LONP2: variants seen among roughly 807,000 people sequenced by gnomAD.
LONP2 encodes lon peptidase 2, peroxisomal, also known as lon protease homolog 2, peroxisomal.
Under a neutral mutation model 85.6 loss-of-function variants are expected in LONP2, and 60 were observed. That is an observed-to-expected ratio of 0.70 (90% CI 0.57 to 0.87). LONP2 has a LOEUF of 0.87. LONP2 is among the 40% of genes least tolerant of loss of function. LONP2 has a pLI of 0.00. For synonymous variants in LONP2, 395 were observed against 389.7 expected (o/e 1.01, Z -0.16); for missense variants, 860 against 1,063.5 (o/e 0.81, Z 2.66).
chr16:48,321,801 G>A (rs1177208870), intron 11 of LONP2, among the ~76,000 whole-genome samples: 1 of 152,210 alleles, frequency 6.6e-6, no homozygotes, highest in African/African-American at 2.4e-5. Flanking sequence ...CACTTACCAT[G>A]AATGGAGTTG....
rs1960301847 is a variant in LONP2, at chr16:48,355,350, C to T, written c.*3548C>T. The T allele has an allele frequency of 6.6e-6, 1 of 152,042 alleles. No homozygotes were observed. The highest frequency in any genetic ancestry group is 2.4e-5 in the African/African-American group (1 of 41,398). The allele number at this position is 152,042 out of a possible 1,614,324, so 9.4% of individuals were successfully genotyped here. A position where few individuals can be genotyped will look rare whatever the true frequency, so the allele number is the denominator to read the frequency against. Reference sequence around the variant, plus strand: ...GGGAACCAATTACCTCCTTTTTGCCCTTCGATTCCCTTCCACCATATGAGG... The same window carrying T: ...GGGAACCAATTACCTCCTTTTTGCCTTTCGATTCCCTTCCACCATATGAGG... On this transcript the variant is annotated 3_prime_UTR_variant, in exon 15 of 15. Coordinates refer to ENST00000285737, the MANE Select transcript of LONP2 (RefSeq NM_031490.5).
At chr16:48,278,049 G>A (rs1160481964) in intron 8 of LONP2, among the ~76,000 whole-genome samples, 1 of 150,852 alleles carries the variant, frequency 6.6e-6, no homozygotes, top group Non-Finnish European at 1.5e-5. Flanking sequence ...TTTTTTTCTT[G>A]TGAATACTAA....
Position 48,351,964 on chromosome 16 carries a change from A to C in LONP2, c.*162A>C. 1.6e-6 allele frequency: 1 copy of C among 611,622 alleles called. No individual in the cohort carries two copies. The highest frequency in any genetic ancestry group is 2.9e-6 in the Non-Finnish European group (1 of 350,276). The allele number at this position is 611,622 out of a possible 1,614,324, so 37.9% of individuals were successfully genotyped here. ...AGTAGTGGCTAGTGTTTAGTATAGA[A>C]ATATAAGATGTTGATTTAGTAAACT... On this transcript the variant is annotated 3_prime_UTR_variant, in exon 15 of 15. Coordinates refer to ENST00000285737, the MANE Select transcript of LONP2 (RefSeq NM_031490.5).
chr16:48,266,266 A>G (rs966350975), intron 6 of LONP2, among the ~76,000 whole-genome samples: 49 of 151,752 alleles, frequency 3.2e-4, no homozygotes, highest in Middle Eastern at 3.5e-3. Context: ...CGGCCTCCCA[A>G]AGTGCTGGGA....
intron 9 of LONP2, among the ~76,000 whole-genome samples, chr16:48,298,694 T>C (rs1365362539): frequency 6.7e-6 from 1 of 149,452 alleles, no homozygotes; most frequent in African/African-American, 2.5e-5. Flanking sequence ...CAAATTAGGC[T>C]AAAAAGATGC....
chr16:48,304,257 T>C (rs868239375), intron 11 of LONP2, among the ~76,000 whole-genome samples: 1 of 152,266 alleles, frequency 6.6e-6, no homozygotes, highest in South Asian at 2.1e-4. Context: ...ACCTTTGTAC[T>C]CTGGAATAGC....
chr16:48,284,653 A>G (rs1055748389), intron 8 of LONP2, among the ~76,000 whole-genome samples: 1 of 152,354 alleles, frequency 6.6e-6, no homozygotes, highest in Non-Finnish European at 1.5e-5. Flanking sequence ...TTAATAGACT[A>G]TAGTATATTG....
chr16:48,322,001 G>A (rs1021955654), intron 11 of LONP2, among the ~76,000 whole-genome samples: 2 of 150,160 alleles, frequency 1.3e-5, no homozygotes, highest in East Asian at 3.9e-4. Flanking sequence ...GCTCAGGCTG[G>A]TCTTGAACTC....
chr16:48,347,624 A>C lies in LONP2; in HGVS notation c.2056A>C (p.Thr686Pro). Residue 686 changes from threonine (T) to proline (P), a missense_variant, in exon 13 of 15, where the codon ACC (threonine) becomes CCC (proline). By Grantham distance (38) the Thr-to-Pro change is conservative. Transcript: ENST00000285737. Reference protein sequence around the residue: ...RMDGEGQLTLTGQLGDVMKES... With the variant: ...RMDGEGQLTLPGQLGDVMKES... ...GGATGGCGAGGGCCAGTTAACTCTG[A>C]CCGGCCAGCTCGGGGACGTGATGAA... 1 of 1,614,220 alleles carries C rather than the reference A, an allele frequency of 6.2e-7. No individual in the cohort carries two copies. The highest frequency in any genetic ancestry group is 8.5e-7 in the Non-Finnish European group (1 of 1,180,046).
At chr16:48,341,407 A>C (rs530502423) in intron 12 of LONP2, among the ~76,000 whole-genome samples, 1 of 152,318 alleles carries the variant, frequency 6.6e-6, no homozygotes, top group Admixed American at 6.5e-5. Context: ...CCGGCATGTC[A>C]TGTGGCCAGA....
intron 14 of LONP2, among the ~76,000 whole-genome samples, chr16:48,349,269 CT>C (rs58080850): frequency 0.21 from 31,028 of 151,008 alleles, 3,953 homozygotes; most frequent in African/African-American, 0.35. Flanking sequence ...AAGAAATAGT[CT>C]TTTTTTCTTT....
chr16:48,321,445 C>T (rs1234937168), intron 11 of LONP2, among the ~76,000 whole-genome samples: 1 of 152,104 alleles, frequency 6.6e-6, no homozygotes, highest in Admixed American at 6.5e-5. Flanking sequence ...GTTTTGGGCC[C>T]TTGTTTATAC....
chr16:48,302,326 T>C (rs1275718456), intron 10 of LONP2, among the ~76,000 whole-genome samples: 2 of 152,238 alleles, frequency 1.3e-5, no homozygotes, highest in Admixed American at 1.3e-4. Flanking sequence ...TAAGAGCTTT[T>C]TATCTGTCTT....
intron 8 of LONP2, among the ~76,000 whole-genome samples, 155 bp from the exon 9 acceptor site, chr16:48,295,860 G>A (rs1336405175): frequency 2.0e-5 from 3 of 152,188 alleles, no homozygotes; most frequent in African/African-American, 7.2e-5. Flanking sequence ...TGTAGAGAAT[G>A]CAAATAATAA....
chr16:48,358,066 T>C (rs1335836177), downstream of LONP2, among the ~76,000 whole-genome samples: 10 of 152,252 alleles, frequency 6.6e-5, no homozygotes, highest in South Asian at 1.7e-3. Flanking sequence ...ACAAGAGTTA[T>C]GCCTCATAAA....
chr16:48,256,805 G>A lies in LONP2; in HGVS notation c.600+64G>A, dbSNP rs1971770614. ...CTTTTTATTGAGATCTAGATAGTGA[G>A]TAGTTAAGTTTTGACCTTCAAGAAA... On this transcript the variant is annotated intron_variant, in intron 3 of 14. Transcript: ENST00000285737. The A allele has an allele frequency of 2.7e-6, 4 of 1,504,062 alleles. No individual in the cohort carries two copies. In the South Asian group the frequency reaches 5.0e-5, roughly 19 times the overall value. 93.2% of individuals were successfully genotyped at this position (1,504,062 alleles called of 1,614,324 possible).
At chr16:48,270,405 A>G in intron 7 of LONP2, 131 bp downstream of exon 7, 6 of 1,003,606 alleles carry the variant, frequency 6.0e-6, no homozygotes, top group East Asian at 2.5e-5. Context: ...AATGAAAAGG[A>G]CATTTACAAG....
Position 48,353,287 on chromosome 16 carries a change from C to G in LONP2, c.*1485C>G, listed in dbSNP as rs1960208085. On this transcript the variant is annotated 3_prime_UTR_variant, in exon 15 of 15. Coordinates refer to ENST00000285737, the MANE Select transcript of LONP2 (RefSeq NM_031490.5). ...TTAGGAAATCGAGGCGAGTGGATCA[C>G]TTAAGCTCAGGAGTTCAAGGCCAGC... The G allele has an allele frequency of 6.6e-6, 1 of 151,734 alleles. No homozygotes were observed. Among genetic ancestry groups the G allele is most frequent in the South Asian group, 2.1e-4 (1 of 4,810 alleles). The allele number at this position is 151,734 out of a possible 1,614,324, so 9.4% of individuals were successfully genotyped here.
intron 1 of LONP2, chr16:48,247,597 A>T (rs1314890879): frequency 6.6e-6 from 1 of 152,250 alleles, no homozygotes; most frequent in Non-Finnish European, 1.5e-5. Flanking sequence ...GTCCTGCAGT[A>T]TAGAACTTGG....
Sources: gnomAD v4.1 joint callset for allele counts (sites outside exome capture counted in the v4.1 genomes callset) on GRCh38, gnomAD v4.1.1 for gene constraint, MANE v1.5 for transcripts, NCBI Gene and HGNC (gene_info 2026-07-23, HGNC 2026-07-21) for gene names.